The following NKAIN3 variants were observed in gnomAD, a reference collection of about 807,000 sequenced individuals.
NKAIN3 encodes the protein sodium/potassium transporting ATPase interacting 3.
In NKAIN3, 25 loss-of-function variants were observed where a neutral mutation model predicts 30.2. The ratio of observed to expected loss-of-function variants is 0.83; its 90% CI spans 0.60 to 1.16. The LOEUF (loss-of-function observed/expected upper bound fraction) is 1.16. Ranked by LOEUF, NKAIN3 falls within the 50% of genes most tolerant of loss-of-function variation. The pLI is 0.00. For synonymous variants in NKAIN3, 91 were observed against 89.6 expected (o/e 1.02, Z -0.09); for missense variants, 225 against 254.1 (o/e 0.89, Z 0.78).
At chr8:62,263,556 A>G (rs1004082787) in intron 1 of NKAIN3, among the ~76,000 whole-genome samples, 9 of 152,158 alleles carry the variant, frequency 5.9e-5, no homozygotes, top group Non-Finnish European at 1.2e-4. Context: ...TCATGGATGT[A>G]TGGGTGAAGA....
At chr8:62,920,329 C>T (rs552859357) in intron 5 of NKAIN3, among the ~76,000 whole-genome samples, 13 of 152,304 alleles carry the variant, frequency 8.5e-5, no homozygotes, top group African/African-American at 2.9e-4. Flanking sequence ...GTCAAAGACT[C>T]TCAAAAGACA....
At chr8:62,670,618 G>GC (rs76782661) in intron 3 of NKAIN3, among the ~76,000 whole-genome samples, 62,834 of 151,662 alleles carry the variant, frequency 0.41, 15,169 homozygotes, top group East Asian at 0.66. Context: ...TTTGTATATG[G>GC]CCTTTTCACC....
At chr8:62,291,443 G>T (rs1813621932) in intron 1 of NKAIN3, among the ~76,000 whole-genome samples, 1 of 152,050 alleles carries the variant, frequency 6.6e-6, no homozygotes, top group Non-Finnish European at 1.5e-5. Flanking sequence ...TTGTGTCTTT[G>T]TTTTCATTGG....
At chr8:62,294,248 T>A (rs1221289022) in intron 1 of NKAIN3, among the ~76,000 whole-genome samples, 1 of 152,180 alleles carries the variant, frequency 6.6e-6, no homozygotes, top group African/African-American at 2.4e-5. Context: ...CCCAGTGAGA[T>A]GAACCCAGTA....
At chr8:62,660,351 AAGTGTAC>A (rs1415200405) in intron 3 of NKAIN3, among the ~76,000 whole-genome samples, 1 of 152,234 alleles carries the variant, frequency 6.6e-6, no homozygotes, top group Non-Finnish European at 1.5e-5. Context: ...GGAAATGCCA[AAGTGTAC>A]ATAATTAGTT....
intron 1 of NKAIN3, among the ~76,000 whole-genome samples, chr8:62,385,662 A>G (rs1329643629): frequency 6.6e-6 from 1 of 152,148 alleles, no homozygotes; most frequent in Admixed American, 6.5e-5. Flanking sequence ...GGCACCCTGA[A>G]ATTTCCTCAT....
chr8:62,423,599 T>G (rs1804714567), intron 1 of NKAIN3, among the ~76,000 whole-genome samples: 1 of 151,910 alleles, frequency 6.6e-6, no homozygotes, highest in Non-Finnish European at 1.5e-5. Flanking sequence ...AATATAGAGC[T>G]ATTTTTGGCT....
At chr8:62,289,217 C>A (rs1813490255) in intron 1 of NKAIN3, among the ~76,000 whole-genome samples, 1 of 151,334 alleles carries the variant, frequency 6.6e-6, no homozygotes, top group Non-Finnish European at 1.5e-5. Context: ...ATGGTAGTTT[C>A]TTTTGCTGTG....
At chr8:62,275,030 A>G (rs1355627279) in intron 1 of NKAIN3, among the ~76,000 whole-genome samples, 1 of 152,114 alleles carries the variant, frequency 6.6e-6, no homozygotes, top group African/African-American at 2.4e-5. Flanking sequence ...AATCTTTGCT[A>G]TTGTGAATAG....
At chr8:62,550,786 AGAGT>A (rs1809180069) in intron 1 of NKAIN3, among the ~76,000 whole-genome samples, 1 of 152,208 alleles carries the variant, frequency 6.6e-6, no homozygotes, top group African/African-American at 2.4e-5. Flanking sequence ...AATGGGAAGA[AGAGT>A]GAGTATGTAC....
At chr8:62,469,672 C>T (rs759955935) in intron 1 of NKAIN3, among the ~76,000 whole-genome samples, 1 of 152,142 alleles carries the variant, frequency 6.6e-6, no homozygotes, top group African/African-American at 2.4e-5. Context: ...ACTCACAAGG[C>T]AGGCATGGTC....
At chr8:62,891,707 A>G (rs1393536491) in intron 4 of NKAIN3, among the ~76,000 whole-genome samples, 1 of 152,116 alleles carries the variant, frequency 6.6e-6, no homozygotes, top group African/African-American at 2.4e-5. Flanking sequence ...ACCAATTCAC[A>G]TGGTAATTTT....
Position 62,966,481 on chromosome 8 carries a change from G to A in NKAIN3, c.*1074G>A, listed in dbSNP as rs560300548. ...TAAAATGCACAAATATTAATGGTAC[G>A]ATTTGATTAGTTTTGAAAAATGTAC... On this transcript the variant is annotated 3_prime_UTR_variant, in exon 7 of 7. Transcript: ENST00000623646. The A allele has an allele frequency of 1.4e-5, 10 of 726,792 alleles. No individual in the cohort carries two copies. Among genetic ancestry groups the A allele is most frequent in the Admixed American group, 6.3e-5 (1 of 15,958 alleles). The allele number at this position is 726,792 out of a possible 1,614,324, so 45.0% of individuals were successfully genotyped here. A position where few individuals can be genotyped will look rare whatever the true frequency, so the allele number is the denominator to read the frequency against.
chr8:62,852,934 A>T (rs1029638680), intron 4 of NKAIN3, among the ~76,000 whole-genome samples: 1 of 152,112 alleles, frequency 6.6e-6, no homozygotes, highest in African/African-American at 2.4e-5. Context: ...TATTCTGTTG[A>T]TTTGAGGTGG....
chr8:62,639,194 A>G (rs1812228826), intron 3 of NKAIN3, among the ~76,000 whole-genome samples: 1 of 152,186 alleles, frequency 6.6e-6, no homozygotes, highest in Non-Finnish European at 1.5e-5. Context: ...GAACTCCAAA[A>G]TATGGAAATT....
chr8:62,477,401 TG>T (rs1806555897), intron 1 of NKAIN3, among the ~76,000 whole-genome samples: 1 of 152,176 alleles, frequency 6.6e-6, no homozygotes, highest in Non-Finnish European at 1.5e-5. Context: ...GCTTTCCCTG[TG>T]TGAGCCAGGG....
At chr8:62,873,092 G>C (rs1172595085) in intron 4 of NKAIN3, among the ~76,000 whole-genome samples, 1 of 152,122 alleles carries the variant, frequency 6.6e-6, no homozygotes, top group East Asian at 1.9e-4. Context: ...GTATTCAAGA[G>C]ACCCATCCTG....
intron 5 of NKAIN3, among the ~76,000 whole-genome samples, chr8:62,927,805 A>G (rs188728784): frequency 2.2e-4 from 34 of 152,336 alleles, no homozygotes; most frequent in Non-Finnish European, 3.8e-4. Context: ...CTGTTATACT[A>G]AAGCATTTTC....
intron 1 of NKAIN3, among the ~76,000 whole-genome samples, chr8:62,509,553 A>G (rs907500794): frequency 6.6e-6 from 1 of 152,052 alleles, no homozygotes; most frequent in East Asian, 1.9e-4. Flanking sequence ...TTTCATTCTT[A>G]TCTCTAACCA....
Sources: allele counts gnomAD v4.1 joint callset (sites outside exome capture counted in the v4.1 genomes callset), GRCh38; gene constraint gnomAD v4.1.1; transcripts MANE v1.5; gene names NCBI Gene and HGNC (gene_info 2026-07-23, HGNC 2026-07-21).